NKAIN3: variants seen among roughly 807,000 people sequenced by gnomAD.
NKAIN3 encodes the protein sodium/potassium-transporting ATPase subunit beta-1-interacting protein 3.
A neutral mutation model predicts 30.2 loss-of-function variants in NKAIN3; 25 were observed. The ratio of observed to expected loss-of-function variants is 0.83; its 90% CI spans 0.60 to 1.16. The LOEUF is 1.16. Among genes scored for constraint, NKAIN3 ranks in the 50% most tolerant of loss-of-function variants. The pLI is 0.00. For synonymous variants in NKAIN3, 91 were observed against 89.6 expected (o/e 1.02, Z -0.09); for missense variants, 225 against 254.1 (o/e 0.89, Z 0.78).
At chr8:62,415,679 A>G (rs1286359064) in intron 1 of NKAIN3, among the ~76,000 whole-genome samples, 6 of 151,432 alleles carry the variant, frequency 4.0e-5, no homozygotes, top group African/African-American at 1.5e-4. Context: ...TATAATCTAC[A>G]TTTATAAACT....
At chr8:62,896,229 A>C (rs1039460342) in intron 4 of NKAIN3, among the ~76,000 whole-genome samples, 2 of 152,104 alleles carry the variant, frequency 1.3e-5, no homozygotes, top group African/African-American at 4.8e-5. Flanking sequence ...GAAGAGAGAC[A>C]AAAGGAGACC....
At chr8:62,883,013 T>C (rs1821032727) in intron 4 of NKAIN3, among the ~76,000 whole-genome samples, 1 of 152,216 alleles carries the variant, frequency 6.6e-6, no homozygotes, top group Non-Finnish European at 1.5e-5. Context: ...TGCCAACTTT[T>C]TTCTTCTTTA....
chr8:62,569,636 C>G (rs1354020794), intron 1 of NKAIN3, among the ~76,000 whole-genome samples: 1 of 152,038 alleles, frequency 6.6e-6, no homozygotes, highest in Non-Finnish European at 1.5e-5. Flanking sequence ...ATTAGCCAGG[C>G]ATGGTGACTC....
chr8:62,934,535 A>G (rs573335773), intron 5 of NKAIN3, among the ~76,000 whole-genome samples: 25 of 152,244 alleles, frequency 1.6e-4, no homozygotes, highest in Admixed American at 1.4e-3. Flanking sequence ...CAACTCTTGC[A>G]ACAAAAAGCA....
At chr8:62,385,279 C>T (rs1010307649) in intron 1 of NKAIN3, among the ~76,000 whole-genome samples, 1 of 152,118 alleles carries the variant, frequency 6.6e-6, no homozygotes, top group Non-Finnish European at 1.5e-5. Flanking sequence ...CCATTCAACT[C>T]TTATCATAAC....
At chr8:62,592,581 T>C (rs533348330) in intron 3 of NKAIN3, among the ~76,000 whole-genome samples, 1 of 152,122 alleles carries the variant, frequency 6.6e-6, no homozygotes, top group South Asian at 2.1e-4. Context: ...AATAACGATA[T>C]GGTAGATTAA....
intron 3 of NKAIN3, among the ~76,000 whole-genome samples, chr8:62,706,797 C>T (rs1242966017): frequency 6.6e-6 from 1 of 151,956 alleles, no homozygotes; most frequent in Non-Finnish European, 1.5e-5. Context: ...AAGCAGTATA[C>T]ACTTCACCAT....
intron 4 of NKAIN3, among the ~76,000 whole-genome samples, chr8:62,817,329 T>C (rs1818716025): frequency 6.6e-6 from 1 of 152,200 alleles, no homozygotes; most frequent in African/African-American, 2.4e-5. Flanking sequence ...TTTTGTTGAC[T>C]TTCTTACTAA....
rs182957403 is a variant in NKAIN3 at position 62,762,899 on chromosome 8, A to G, written c.471+15770A>G. On this transcript the variant is annotated intron_variant, in intron 4 of 6. Coordinates refer to ENST00000623646, the MANE Select transcript of NKAIN3 (RefSeq NM_001304533.3). ...AAACACAGACTAAAAAAAAAATTCA[A>G]TAATTAGAGAAATCTTTCTAGATCT... is the stretch of plus-strand genomic sequence containing the variant. Among the ~76,000 whole-genome samples the G allele has an allele frequency of 3.0e-3, 449 of 152,156 alleles. 1 individual carries two copies. Among genetic ancestry groups the G allele is most frequent in the African/African-American group, 0.01 (423 of 41,514 alleles).
chr8:62,820,498 G>A (rs532716370), intron 4 of NKAIN3, among the ~76,000 whole-genome samples: 2 of 152,122 alleles, frequency 1.3e-5, no homozygotes, highest in South Asian at 2.1e-4. Context: ...GAGGGAGGAC[G>A]TAATGAGCAC....
intron 1 of NKAIN3, among the ~76,000 whole-genome samples, chr8:62,444,400 C>T (rs528461259): frequency 6.6e-6 from 1 of 152,222 alleles, no homozygotes; most frequent in East Asian, 1.9e-4. Flanking sequence ...TCCCTCCTCC[C>T]CACCTCTTGT....
At chr8:62,819,962 G>A (rs1818802876) in intron 4 of NKAIN3, among the ~76,000 whole-genome samples, 1 of 152,072 alleles carries the variant, frequency 6.6e-6, no homozygotes, top group Non-Finnish European at 1.5e-5. Flanking sequence ...ATCACTCCAG[G>A]CAGGGAAAGC....
chr8:62,897,306 G>A (rs1164126158), intron 4 of NKAIN3, among the ~76,000 whole-genome samples: 1 of 152,014 alleles, frequency 6.6e-6, no homozygotes, highest in Non-Finnish European at 1.5e-5. Flanking sequence ...TTACATTGAG[G>A]ACTTTCATAG....
At chr8:62,683,024 T>TG (rs1813690686) in intron 3 of NKAIN3, among the ~76,000 whole-genome samples, 1 of 152,038 alleles carries the variant, frequency 6.6e-6, no homozygotes, top group Non-Finnish European at 1.5e-5. Context: ...TTTGTTTGTT[T>TG]TTTTGTTTGT....
chr8:62,969,691 A>G lies in NKAIN3; in HGVS notation c.*4284A>G, dbSNP rs1171659135. On this transcript the variant is annotated 3_prime_UTR_variant, in exon 7 of 7. Transcript: ENST00000623646. ...GAAAAATATAAATAATTGCTCTTTTAAAACTATAACAACTTGAATGCCTGC... is the reference window on the plus strand; with the variant it reads ...GAAAAATATAAATAATTGCTCTTTTGAAACTATAACAACTTGAATGCCTGC... Among the ~76,000 whole-genome samples the G allele has an allele frequency of 6.6e-6, 1 of 152,194 alleles. No homozygotes were observed. The highest frequency in any genetic ancestry group is 1.5e-5 in the Non-Finnish European group (1 of 68,030).
chr8:62,322,674 C>A (rs573341975), intron 1 of NKAIN3, among the ~76,000 whole-genome samples: 2 of 152,282 alleles, frequency 1.3e-5, no homozygotes, highest in Non-Finnish European at 1.5e-5. Context: ...GGGACCTATT[C>A]TAAGTTGTAA....
intron 1 of NKAIN3, among the ~76,000 whole-genome samples, chr8:62,381,993 A>G (rs1284979872): frequency 6.6e-6 from 1 of 152,142 alleles, no homozygotes; most frequent in Non-Finnish European, 1.5e-5. Flanking sequence ...GGGACTGCAC[A>G]GCATTCAGAT....
chr8:62,496,255 G>T (rs1807233495), intron 1 of NKAIN3, among the ~76,000 whole-genome samples: 2 of 152,100 alleles, frequency 1.3e-5, no homozygotes, highest in Admixed American at 1.3e-4. Flanking sequence ...TTATTAATGA[G>T]GTCCCTTTTA....
chr8:62,902,931 C>A (rs961331399), intron 4 of NKAIN3, among the ~76,000 whole-genome samples: 1 of 152,174 alleles, frequency 6.6e-6, no homozygotes, highest in Non-Finnish European at 1.5e-5. Context: ...GAACAAGGTT[C>A]TTTGTGAGTC....
Sources: gnomAD v4.1 joint callset for allele counts (sites outside exome capture counted in the v4.1 genomes callset) on GRCh38, gnomAD v4.1.1 for gene constraint, MANE v1.5 for transcripts, NCBI Gene and HGNC (gene_info 2026-07-23, HGNC 2026-07-21) for gene names.